TMEM232: variants seen among roughly 807,000 people sequenced by gnomAD.
TMEM232 encodes transmembrane protein 232.
A neutral mutation model predicts 78.8 loss-of-function variants in TMEM232; 80 were observed. The observed-to-expected ratio is 1.01, with a 90% CI of 0.85 to 1.22. The LOEUF (loss-of-function observed/expected upper bound fraction) is 1.22. Ranked by LOEUF, TMEM232 falls within the 50% of genes most tolerant of loss-of-function variation. The pLI is 0.00. For synonymous variants in TMEM232, 297 were observed against 254.3 expected (o/e 1.17, Z -1.60); for missense variants, 881 against 742.2 (o/e 1.19, Z -2.17).
chr5:110,738,254 G>A (rs1345061281), upstream of TMEM232: 2 of 1,286,582 alleles, frequency 1.6e-6, no homozygotes, highest in African/African-American at 3.0e-5. Flanking sequence ...ACAGGTAGTA[G>A]GGGACGCTCT....
intron 12 of TMEM232, among the ~76,000 whole-genome samples, chr5:110,492,481 A>G (rs1223409880): frequency 1.3e-5 from 2 of 151,946 alleles, no homozygotes; most frequent in Admixed American, 1.3e-4. Flanking sequence ...TTAAATCACT[A>G]TTCATGATAA....
intron 12 of TMEM232, among the ~76,000 whole-genome samples, chr5:110,450,510 T>C (rs181127814): frequency 2.0e-5 from 3 of 152,278 alleles, no homozygotes; most frequent in East Asian, 3.9e-4. Context: ...AGTTAATTCA[T>C]GTCAAAATAG....
At chr5:110,441,908 G>T (rs1398653174) in intron 12 of TMEM232, among the ~76,000 whole-genome samples, 5 of 149,738 alleles carry the variant, frequency 3.3e-5, no homozygotes, top group African/African-American at 1.2e-4. Context: ...GTTATTATTA[G>T]TTTTTTTTTT....
chr5:110,664,330 A>C (rs1191827867), intron 2 of TMEM232, among the ~76,000 whole-genome samples: 2 of 152,228 alleles, frequency 1.3e-5, no homozygotes, highest in Non-Finnish European at 2.9e-5. Context: ...GATTAAAGTT[A>C]AAATGTAGCA....
chr5:110,615,505 T>C (rs1373486303), intron 8 of TMEM232, among the ~76,000 whole-genome samples: 1 of 151,952 alleles, frequency 6.6e-6, no homozygotes, highest in Non-Finnish European at 1.5e-5. Flanking sequence ...AGGTCATACA[T>C]GGCAAGCCTA....
intron 11 of TMEM232, among the ~76,000 whole-genome samples, chr5:110,529,272 G>T (rs1418404994): frequency 6.6e-6 from 1 of 151,420 alleles, no homozygotes; most frequent in Non-Finnish European, 1.5e-5. Flanking sequence ...TTGAGAAAGA[G>T]TCTTGCTGTG....
intron 2 of TMEM232, among the ~76,000 whole-genome samples, chr5:110,644,514 G>T (rs1487940526): frequency 6.6e-6 from 1 of 151,732 alleles, no homozygotes; most frequent in Non-Finnish European, 1.5e-5. Flanking sequence ...TAACAGCCAA[G>T]ATTAATGACT....
chr5:110,465,990 G>T (rs889781693), intron 12 of TMEM232, among the ~76,000 whole-genome samples: 1 of 151,928 alleles, frequency 6.6e-6, no homozygotes, highest in Non-Finnish European at 1.5e-5. Context: ...TGAAAAAAAT[G>T]ATCTTTCATG....
intron 2 of TMEM232, among the ~76,000 whole-genome samples, chr5:110,406,902 A>G (rs1755813560): frequency 6.6e-6 from 1 of 152,140 alleles, no homozygotes. Context: ...GTGTTCTAAG[A>G]TAAGTTGCCA....
chr5:110,533,722 C>T (rs994640771), intron 11 of TMEM232, among the ~76,000 whole-genome samples: 27 of 152,140 alleles, frequency 1.8e-4, no homozygotes, highest in Admixed American at 4.6e-4. Context: ...CACACCTGAA[C>T]CTCATGACTG....
At chr5:110,675,107 G>A (rs899312624) in intron 1 of TMEM232, among the ~76,000 whole-genome samples, 13 of 151,936 alleles carry the variant, frequency 8.6e-5, no homozygotes, top group African/African-American at 2.4e-4. Context: ...GTGTATTGGC[G>A]CAATCTCGGC....
downstream of TMEM232, among the ~76,000 whole-genome samples, chr5:110,415,289 G>A (rs1217923813): frequency 6.6e-6 from 1 of 151,332 alleles, no homozygotes; most frequent in Non-Finnish European, 1.5e-5. Context: ...CCAGGTTCAC[G>A]CCATTCTCCC....
intron 1 of TMEM232, among the ~76,000 whole-genome samples, chr5:110,715,375 C>A (rs949234938): frequency 4.6e-5 from 7 of 151,990 alleles, no homozygotes. Flanking sequence ...TGTAAATGAC[C>A]AGTGAACATA....
intron 1 of TMEM232, among the ~76,000 whole-genome samples, chr5:110,695,738 A>C (rs1029834721): frequency 3.9e-4 from 60 of 152,222 alleles, no homozygotes; most frequent in African/African-American, 1.3e-3. Flanking sequence ...TACACCCTCC[A>C]AAAACTAAAC....
intron 1 of TMEM232, among the ~76,000 whole-genome samples, chr5:110,690,213 A>G (rs1793939416): frequency 6.6e-6 from 1 of 152,172 alleles, no homozygotes; most frequent in African/African-American, 2.4e-5. Flanking sequence ...TACAGAATGG[A>G]ATAAAATTTT....
At chr5:110,692,874 A>G (rs898418600) in intron 1 of TMEM232, among the ~76,000 whole-genome samples, 1 of 152,198 alleles carries the variant, frequency 6.6e-6, no homozygotes, top group Non-Finnish European at 1.5e-5. Context: ...CTCCACCTCT[A>G]GGGGCAGGGC....
In TMEM232 at chr5:110,605,172, C is replaced by A. The variant is rs1781393200; in HGVS notation, c.1213G>T (p.Glu405Ter). ...ILYLDKSVPP[E>*]LKETSILSLL... ...CTTAAAATACTTGTTTCCTTTAATT[C>A]TGGAGGTACTGATTTGTCCAAGTAT... Residue 405 changes from glutamate (E) to a stop codon, truncating the protein, a stop_gained, in exon 10 of 14, where the codon GAA becomes TAA. Coordinates refer to ENST00000455884, the MANE Select transcript of TMEM232 (RefSeq NM_001039763.4). LOFTEE classifies it high-confidence loss of function. 6.4e-7 allele frequency: 1 copy of A among 1,550,430 alleles called. No homozygotes were observed. The highest frequency in any genetic ancestry group is 8.7e-7 in the Non-Finnish European group (1 of 1,146,180).
intron 1 of TMEM232, among the ~76,000 whole-genome samples, chr5:110,673,018 G>A (rs1205732719): frequency 6.6e-6 from 1 of 152,108 alleles, no homozygotes; most frequent in African/African-American, 2.4e-5. Context: ...GTTTATTGCG[G>A]CACTATTCAC....
At position 110,428,418 on chromosome 5, in the gene TMEM232, T is replaced by C. The variant is rs115431349; in HGVS notation, c.1704-3502A>G. On this transcript the variant is annotated intron_variant, in intron 12 of 13. Transcript: ENST00000455884. ...TTCTCCCATCCTCTTGGTAGTTTTA[T>C]AACACAGGAATTTCTTTCTCAATGA... Among the ~76,000 whole-genome samples the C allele has an allele frequency of 8.3e-3, 1,260 of 151,896 alleles. 18 individuals carry two copies. The highest frequency in any genetic ancestry group is 0.029 in the African/African-American group (1,195 of 41,474).
Sources: allele counts gnomAD v4.1 joint callset (sites outside exome capture counted in the v4.1 genomes callset), GRCh38; gene constraint gnomAD v4.1.1; transcripts MANE v1.5; gene names NCBI Gene and HGNC (gene_info 2026-07-23, HGNC 2026-07-21).